ZNF589: variants seen among roughly 807,000 people sequenced by gnomAD.
ZNF589 encodes KRAB-zinc finger protein SZF1-1.
Under a neutral mutation model 13.6 loss-of-function variants are expected in ZNF589, and 17 were observed. The observed-to-expected ratio is 1.25, with a 90% CI of 0.86 to 1.88. ZNF589 has a LOEUF of 1.88. Among genes scored for constraint, ZNF589 ranks in the 40% most tolerant of loss-of-function variants. The pLI, the probability that ZNF589 is intolerant of heterozygous loss-of-function variation, is 0.00. For synonymous variants in ZNF589, 148 were observed against 161.6 expected, an observed-to-expected ratio of 0.92 and a Z score of 0.64; for missense variants, 407 against 434.0, an observed-to-expected ratio of 0.94 and a Z score of 0.55.
rs2034041994 is a variant in ZNF589 at position 48,268,179 on chromosome 3, C to T, written c.488C>T (p.Ala163Val). Residue 163 changes from alanine (A) to valine (V), a missense_variant, in exon 4 of 4, where the codon GCT (alanine) becomes GTT (valine). Ala to Val is a moderately conservative substitution (Grantham distance 64, BLOSUM62 0). Transcript: ENST00000354698. The stretch of plus-strand genomic sequence containing the variant: ...TTTTGGAGTACAAATGAAAGGGGGG[C>T]TTTAGTGGGTTTCTCTAGCCTGTTC... ...PLFWSTNERG[A>V]LVGFSSLFQR... is the part of the protein sequence containing the mutation. 1.2e-6 allele frequency: 2 copies of T among 1,611,862 alleles called. No individual in the cohort carries two copies. Among genetic ancestry groups the T allele is most frequent in the East Asian group, 4.5e-5 (2 of 44,868 alleles).
chr3:48,245,375 G>A (rs956244291), intron 1 of ZNF589, among the ~76,000 whole-genome samples: 4 of 152,036 alleles, frequency 2.6e-5, no homozygotes, highest in Admixed American at 1.3e-4. Context: ...GCCACCTAAC[G>A]TGCTGGGATT....
rs2034078816 is a variant in ZNF589 at position 48,270,515 on chromosome 3, TCA to T, written c.*1733_*1734del. 1 of 351,568 alleles carries T rather than the reference TCA, an allele frequency of 2.8e-6. No individual in the cohort carries two copies. Among genetic ancestry groups the T allele is most frequent in the African/African-American group, 2.1e-5 (1 of 46,682 alleles). The allele number at this position is 351,568 out of a possible 1,614,324, so 21.8% of individuals were successfully genotyped here. On this transcript the variant is annotated 3_prime_UTR_variant, in exon 4 of 4. Coordinates refer to ENST00000354698, the MANE Select transcript of ZNF589 (RefSeq NM_016089.3). Reference sequence around the variant, plus strand: ...AGGGCCTTTAGCCATTTGTCTCTCCTCACACTCCAGGGCCCATATGGCCCAGG... The same window carrying T: ...AGGGCCTTTAGCCATTTGTCTCTCCTCACTCCAGGGCCCATATGGCCCAGG...
At chr3:48,245,959 A>T (rs13100815) in intron 1 of ZNF589, among the ~76,000 whole-genome samples, 1 of 151,358 alleles carries the variant, frequency 6.6e-6, no homozygotes, top group Non-Finnish European at 1.5e-5. Context: ...AAAAAAAAAA[A>T]CAGATATGGC....
At position 48,263,673 on chromosome 3, in the gene ZNF589, C is replaced by T. The variant is rs188541113; in HGVS notation, c.223+2734C>T. On this transcript the variant is annotated intron_variant, in intron 3 of 3. Coordinates refer to ENST00000354698, the MANE Select transcript of ZNF589 (RefSeq NM_016089.3). ...ACGCAGGAGGCTGAGGGAGGAGAAT[C>T]GCTTGAACCCCGGAGGCGGAGGTTG... 4.7e-3 allele frequency among the ~76,000 whole-genome samples: 716 copies of T among 152,228 alleles called. 3 individuals carry two copies. Among genetic ancestry groups the T allele is most frequent in the African/African-American group, 0.016 (664 of 41,542 alleles).
chr3:48,268,133 G>A lies in ZNF589; in HGVS notation c.442G>A (p.Glu148Lys). ...GGCTGAAGCAGAAGATCAACGAGTG[G>A]AAGGAGGCGTCAGACCCTTGTTTTG... ...RGAEAEDQRVEGGVRPLFWST... is the reference protein window; with the variant it reads ...RGAEAEDQRVKGGVRPLFWST... Residue 148 changes from glutamate (E) to lysine (K), a missense_variant, in exon 4 of 4, where the codon GAA (glutamate) becomes AAA (lysine). Glu to Lys is a moderately conservative substitution (Grantham distance 56). Coordinates refer to ENST00000354698, the MANE Select transcript of ZNF589 (RefSeq NM_016089.3). The A allele has an allele frequency of 6.2e-7, 1 of 1,614,178 alleles. No individual in the cohort carries two copies. Among genetic ancestry groups the A allele is most frequent in the Non-Finnish European group, 8.5e-7 (1 of 1,180,022 alleles).
intron 1 of ZNF589, among the ~76,000 whole-genome samples, chr3:48,244,554 G>A (rs1486187515): frequency 6.6e-6 from 1 of 152,092 alleles, no homozygotes; most frequent in Non-Finnish European, 1.5e-5. Flanking sequence ...CATGCAAGAG[G>A]AGAAATTGTA....
chr3:48,247,888 A>T (rs566101116), intron 2 of ZNF589, among the ~76,000 whole-genome samples: 3 of 152,318 alleles, frequency 2.0e-5, no homozygotes, highest in East Asian at 3.9e-4. Context: ...GTTTAATTTT[A>T]ATTCAGAGTA....
At chr3:48,262,667 C>T (rs1379696422) in intron 3 of ZNF589, among the ~76,000 whole-genome samples, 1 of 152,082 alleles carries the variant, frequency 6.6e-6, no homozygotes, top group Non-Finnish European at 1.5e-5. Context: ...CTTCTAAAAA[C>T]TTCTCTTAAT....
chr3:48,256,580 T>C, intron 2 of ZNF589: 1 of 717,502 alleles, frequency 1.4e-6, no homozygotes. Flanking sequence ...GTAGGCCATC[T>C]TCACACACCC....
In ZNF589 at chr3:48,249,466, C is replaced by T. The variant is rs1028251534; in HGVS notation, c.96+1789C>T. ...TCTCAATACATTTCACCTCTGAATACTTCAGCATGCATATTATTAAGTAGA... is the reference window on the plus strand; with the variant it reads ...TCTCAATACATTTCACCTCTGAATATTTCAGCATGCATATTATTAAGTAGA... On this transcript the variant is annotated intron_variant, in intron 2 of 3. Transcript: ENST00000354698. Among the ~76,000 whole-genome samples the T allele has an allele frequency of 7.9e-5, 12 of 152,294 alleles. 1 individual carries two copies. The highest frequency in any genetic ancestry group is 7.2e-4 in the Admixed American group (11 of 15,278).
chr3:48,255,114 T>C (rs2033883499), intron 2 of ZNF589, among the ~76,000 whole-genome samples: 2 of 152,138 alleles, frequency 1.3e-5, no homozygotes, highest in African/African-American at 4.8e-5. Context: ...GTAGGTTTTT[T>C]GTAGATGTTC....
At position 48,270,528 on chromosome 3, in the gene ZNF589, C is replaced by A. The variant is rs1446983074; in HGVS notation, c.*1742C>A. 5.9e-6 allele frequency: 2 copies of A among 340,548 alleles called. No homozygotes were observed. Among genetic ancestry groups the A allele is most frequent in the Admixed American group, 8.0e-5 (2 of 24,988 alleles). 21.1% of individuals were successfully genotyped at this position (340,548 alleles called of 1,614,324 possible). ...ATTTGTCTCTCCTCACACTCCAGGGCCCATATGGCCCAGGTTCTGACAGTT... is the reference window on the plus strand; with the variant it reads ...ATTTGTCTCTCCTCACACTCCAGGGACCATATGGCCCAGGTTCTGACAGTT... On this transcript the variant is annotated 3_prime_UTR_variant, in exon 4 of 4. Coordinates refer to ENST00000354698, the MANE Select transcript of ZNF589 (RefSeq NM_016089.3).
At chr3:48,245,599 A>G (rs2033754219) in intron 1 of ZNF589, among the ~76,000 whole-genome samples, 1 of 152,178 alleles carries the variant, frequency 6.6e-6, no homozygotes, top group African/African-American at 2.4e-5. Context: ...CTGAACTTTC[A>G]GAATCAGTGA....
chr3:48,268,185 T>A lies in ZNF589; in HGVS notation c.494T>A (p.Val165Glu), dbSNP rs758392066. Residue 165 changes from valine (V) to glutamate (E), a missense_variant, in exon 4 of 4, where the codon GTG (valine) becomes GAG (glutamate). Transcript: ENST00000354698. ...AGTACAAATGAAAGGGGGGCTTTAG[T>A]GGGTTTCTCTAGCCTGTTCCAGAGA... ...FWSTNERGAL[V>E]GFSSLFQRPP... The A allele has an allele frequency of 8.7e-6, 14 of 1,611,604 alleles. No individual in the cohort carries two copies. The highest frequency in any genetic ancestry group is 1.2e-5 in the Non-Finnish European group (14 of 1,178,824).
chr3:48,247,293 A>T (rs1170100974), intron 1 of ZNF589, among the ~76,000 whole-genome samples: 2 of 151,842 alleles, frequency 1.3e-5, no homozygotes, highest in Non-Finnish European at 2.9e-5. Context: ...AAATTAAAAA[A>T]AAACATGTAA....
Position 48,268,825 on chromosome 3 carries a change from C to G in ZNF589, c.*39C>G. 1.3e-6 allele frequency: 2 copies of G among 1,566,960 alleles called. No individual in the cohort carries two copies. The highest frequency in any genetic ancestry group is 2.4e-5 in the South Asian group (2 of 83,128). ...TAAGGAGATCATGTCTCAACACACA[C>G]CAGAGGATACATTCAGATGAGAAGC... On this transcript the variant is annotated 3_prime_UTR_variant, in exon 4 of 4. Transcript: ENST00000354698.
chr3:48,270,366 A>C lies in ZNF589; in HGVS notation c.*1580A>C. The C allele has an allele frequency of 5.2e-6, 2 of 383,088 alleles. No homozygotes were observed. Among genetic ancestry groups the C allele is most frequent in the Non-Finnish European group, 1.0e-5 (2 of 195,034 alleles). The allele number at this position is 383,088 out of a possible 1,614,324, so 23.7% of individuals were successfully genotyped here. A position where few individuals can be genotyped will look rare whatever the true frequency, so the allele number is the denominator to read the frequency against. ...AATGACAGGGATCTAGCAATGCTGC[A>C]TCATCAGCCTTCCAATACCAGGTTT... is the stretch of plus-strand genomic sequence containing the variant. On this transcript the variant is annotated 3_prime_UTR_variant, in exon 4 of 4. Coordinates refer to ENST00000354698, the MANE Select transcript of ZNF589 (RefSeq NM_016089.3).
intron 1 of ZNF589, among the ~76,000 whole-genome samples, chr3:48,242,272 G>A (rs1308549394): frequency 6.6e-6 from 1 of 151,958 alleles, no homozygotes; most frequent in East Asian, 1.9e-4. Flanking sequence ...CACCACGCCC[G>A]GCTATTTTTT....
intron 3 of ZNF589, among the ~76,000 whole-genome samples, chr3:48,261,947 G>A (rs976666019): frequency 1.3e-5 from 2 of 152,100 alleles, no homozygotes; most frequent in Admixed American, 6.5e-5. Flanking sequence ...ACATTTTGTT[G>A]ATTCTGAAGA....
Sources: gnomAD v4.1 joint callset for allele counts (sites outside exome capture counted in the v4.1 genomes callset) on GRCh38, gnomAD v4.1.1 for gene constraint, MANE v1.5 for transcripts, NCBI Gene and HGNC (gene_info 2026-07-23, HGNC 2026-07-21) for gene names.